Variants in SAAL1 observed in about 807,000 individuals in gnomAD.
The protein encoded by SAAL1 is protein SAAL1.
SAAL1 carries 42 observed loss-of-function variants against 59.8 expected under a neutral mutation model. The observed-to-expected ratio is 0.70, with a 90% CI of 0.55 to 0.91. The LOEUF (loss-of-function observed/expected upper bound fraction) is 0.91. SAAL1 is among the 40% of genes least tolerant of loss of function. The pLI is 0.00. For missense variants in SAAL1, 542 were observed against 561.1 expected (o/e 0.97, Z 0.34); for synonymous variants, 191 against 194.3 (o/e 0.98, Z 0.14).
At chr11:18,086,726 A>T in intron 9 of SAAL1, 140 bp downstream of exon 9, 1 of 462,522 alleles carries the variant, frequency 2.2e-6, no homozygotes, top group Non-Finnish European at 3.6e-6. Context: ...AATAAAAAAT[A>T]AAATAAATAA....
intron 11 of SAAL1, 42 bp downstream of exon 11, chr11:18,081,369 C>A: frequency 7.4e-7 from 1 of 1,347,152 alleles, no homozygotes; most frequent in Non-Finnish European, 1.0e-6. Flanking sequence ...ATTTAGTAAT[C>A]CTACAAAACT....
At chr11:18,087,080 G>C (rs1204570223) in intron 8 of SAAL1, 26 bp from the exon 9 acceptor site, 1 of 1,603,714 alleles carries the variant, frequency 6.2e-7, no homozygotes, top group Non-Finnish European at 8.5e-7. Flanking sequence ...AAATAAAGCA[G>C]TACTTTAAAA....
In SAAL1 at chr11:18,085,066, G is replaced by A. The variant is rs966658018; in HGVS notation, c.1043-1335C>T. Among the ~76,000 whole-genome samples the A allele has an allele frequency of 4.6e-5, 7 of 152,086 alleles. 1 individual carries two copies. Among genetic ancestry groups the A allele is most frequent in the Non-Finnish European group, 8.8e-5 (6 of 67,992 alleles). Reference sequence around the variant, plus strand: ...TAGGTGTGAGCCACAGCACCTGGCTGTAAAACATATATCTTATACCCAATA... The same window carrying A: ...TAGGTGTGAGCCACAGCACCTGGCTATAAAACATATATCTTATACCCAATA... On this transcript the variant is annotated intron_variant, in intron 9 of 11. Transcript: ENST00000524803.
intron 3 of SAAL1, 46 bp downstream of exon 3, chr11:18,096,725 T>C: frequency 1.0e-6 from 1 of 967,800 alleles, no homozygotes; most frequent in South Asian, 1.3e-5. Context: ...GCACTATCTG[T>C]TCTTATTGCT....
intron 9 of SAAL1, 105 bp from the exon 10 acceptor site, chr11:18,083,836 A>T (rs1564869427): frequency 3.4e-6 from 2 of 585,806 alleles, no homozygotes; most frequent in Non-Finnish European, 5.7e-6. Context: ...TATTACAGAT[A>T]CACTGGTAAC....
intron 3 of SAAL1, among the ~76,000 whole-genome samples, chr11:18,094,293 G>C (rs1222616535): frequency 6.6e-6 from 1 of 152,096 alleles, no homozygotes; most frequent in Non-Finnish European, 1.5e-5. Context: ...AACCAAACTT[G>C]GACTGAAAAT....
At chr11:18,105,370 G>C (rs1029413864) in intron 1 of SAAL1, among the ~76,000 whole-genome samples, 7 of 148,134 alleles carry the variant, frequency 4.7e-5, no homozygotes, top group African/African-American at 1.8e-4. Context: ...TAGAAACCAG[G>C]TCTATGTTGC....
At position 18,087,052 on chromosome 11, in the gene SAAL1, G is replaced by C. The variant is rs754469079; in HGVS notation, c.856C>G (p.His286Asp). ...ATGTCTTTTCCAGTGTCAGGACAAT[G>C]TACTTAATAAAGAGGACAAATAAAG... ...TVDDGIQAIV[H>D]CPDTGKDIWN... The change falls in exon 9 of 12, where the codon CAT becomes GAT. Residue 286 changes from histidine (H) to aspartate (D), a missense_variant and splice_region_variant. Coordinates refer to ENST00000524803, the MANE Select transcript of SAAL1 (RefSeq NM_138421.3). 1.9e-6 allele frequency: 3 copies of C among 1,612,556 alleles called. No individual in the cohort carries two copies. The South Asian group carries it at 3.3e-5, about 18-fold the overall frequency.
chr11:18,088,238 A>C (rs1338380486), intron 7 of SAAL1, among the ~76,000 whole-genome samples: 8 of 152,120 alleles, frequency 5.3e-5, no homozygotes, highest in Admixed American at 2.6e-4. Context: ...CATTTATTTC[A>C]TTCTTTTTTC....
At chr11:18,083,153 T>C (rs1243250359) in intron 10 of SAAL1, 2 of 153,304 alleles carry the variant, frequency 1.3e-5, no homozygotes, top group Non-Finnish European at 1.4e-5. Context: ...CAGTAAATTT[T>C]GAAAACTGAT....
At position 18,089,354 on chromosome 11, in the gene SAAL1, A is replaced by G. The variant is rs767483366; in HGVS notation, c.746T>C (p.Ile249Thr). The G allele has an allele frequency of 5.8e-5, 91 of 1,575,270 alleles. No homozygotes were observed. The highest frequency in any genetic ancestry group is 7.8e-5 in the Non-Finnish European group (91 of 1,168,044). ...EQPVFRLVPC[I>T]LEAAKQVRSE... ...CCGTACTTGTTTGGCAGCTTCAAGT[A>G]TACAGGGCACAAGCCGAAACACTGG... Residue 249 changes from isoleucine (I) to threonine (T), a missense_variant, in exon 7 of 12, where the codon ATA becomes ACA. Ile to Thr is a moderately conservative substitution (Grantham distance 89). Coordinates refer to ENST00000524803, the MANE Select transcript of SAAL1 (RefSeq NM_138421.3).
At chr11:18,098,287 A>G (rs1022835814) in intron 2 of SAAL1, among the ~76,000 whole-genome samples, 5 of 152,236 alleles carry the variant, frequency 3.3e-5, no homozygotes, top group Admixed American at 2.0e-4. Flanking sequence ...TCTGATCACA[A>G]TGTAACTGTG....
chr11:18,105,313 C>G (rs1165862111), intron 1 of SAAL1, among the ~76,000 whole-genome samples: 1 of 148,604 alleles, frequency 6.7e-6, no homozygotes, highest in Non-Finnish European at 1.5e-5. Context: ...GGACTACAGG[C>G]GTGCACCGTC....
intron 3 of SAAL1, among the ~76,000 whole-genome samples, chr11:18,092,901 A>G (rs1291476003): frequency 2.0e-5 from 3 of 152,316 alleles, no homozygotes; most frequent in African/African-American, 7.2e-5. Flanking sequence ...GAAATGCATA[A>G]TGTATTAGTG....
chr11:18,095,610 T>C (rs989290372), intron 3 of SAAL1, among the ~76,000 whole-genome samples: 9 of 152,338 alleles, frequency 5.9e-5, no homozygotes, highest in African/African-American at 1.7e-4. Flanking sequence ...ATTTAGTTCT[T>C]TGAAAGTATA....
Position 18,096,787 on chromosome 11 carries a change from T to G in SAAL1, c.317A>C (p.Lys106Thr), listed in dbSNP as rs749346330. ...DIFMGVLAKS[K>T]CPRLREICVG... The stretch of plus-strand genomic sequence containing the variant: ...CATACTTACTCTTAATCGAGGACAC[T>G]TGGACTTGGCCAGTACTCCCATGAA... Residue 106 changes from lysine (K) to threonine (T), a missense_variant, in exon 3 of 12, where the codon AAG (lysine) becomes ACG (threonine). By Grantham distance (78) the Lys-to-Thr change is moderately conservative. Transcript: ENST00000524803. 6.4e-7 allele frequency: 1 copy of G among 1,570,166 alleles called. No individual in the cohort carries two copies. Among genetic ancestry groups the G allele is most frequent in the Admixed American group, 1.7e-5 (1 of 59,052 alleles).
chr11:18,080,516 A>C, intron 11 of SAAL1, 25 bp from the exon 12 acceptor site: 1 of 1,489,560 alleles, frequency 6.7e-7, no homozygotes, highest in South Asian at 1.2e-5. Context: ...AACAAACAAA[A>C]ATCAAACACA....
At chr11:18,089,918 T>G (rs966391547) in intron 6 of SAAL1, among the ~76,000 whole-genome samples, 3 of 152,070 alleles carry the variant, frequency 2.0e-5, no homozygotes, top group Admixed American at 6.6e-5. Flanking sequence ...AGCATGGCGG[T>G]GCATGACTAT....
rs1386186229 is a variant in SAAL1 at position 18,083,720 on chromosome 11, G to T, written c.1054C>A (p.Leu352Ile). Reference protein sequence around the residue: ...YLKIEKVDLPLIDSLIRVLQN... With the variant: ...YLKIEKVDLPIIDSLIRVLQN... ...AAGACCCGAATGAGGCTGTCAATTAGAGGAAGATCTACTGTATAAACAAAT... is the reference window on the plus strand; with the variant it reads ...AAGACCCGAATGAGGCTGTCAATTATAGGAAGATCTACTGTATAAACAAAT... The change falls in exon 10 of 12, where the codon CTA becomes ATA. Residue 352 changes from leucine to isoleucine, a missense_variant. Physicochemically the swap from Leu to Ile is conservative, Grantham distance 5. Coordinates refer to ENST00000524803, the MANE Select transcript of SAAL1 (RefSeq NM_138421.3). 1 of 1,605,746 alleles carries T rather than the reference G, an allele frequency of 6.2e-7. No individual in the cohort carries two copies.
Sources: gnomAD v4.1 joint callset for allele counts (sites outside exome capture counted in the v4.1 genomes callset) on GRCh38, gnomAD v4.1.1 for gene constraint, MANE v1.5 for transcripts, NCBI Gene and HGNC (gene_info 2026-07-23, HGNC 2026-07-21) for gene names.